TIAM1: variants seen among roughly 807,000 people sequenced by gnomAD.
The protein encoded by TIAM1 is rho guanine nucleotide exchange factor TIAM1.
In TIAM1, 65 loss-of-function variants were observed where a neutral mutation model predicts 163.5. The observed-to-expected ratio is 0.40, with a 90% CI of 0.33 to 0.49. The LOEUF (loss-of-function observed/expected upper bound fraction) is 0.49. Ranked by LOEUF, TIAM1 falls within the 20% of genes least tolerant of loss-of-function variation. The probability of loss-of-function intolerance (pLI) is 0.77; values close to 1 mark genes in which losing one functional copy is unlikely to be tolerated. For synonymous variants in TIAM1, 833 were observed against 810.1 expected (o/e 1.03, Z -0.48); for missense variants, 1,789 against 2,044.7 (o/e 0.87, Z 2.41).
At chr21:31,355,000 G>A (rs1281992778) in intron 2 of TIAM1, among the ~76,000 whole-genome samples, 2 of 152,056 alleles carry the variant, frequency 1.3e-5, no homozygotes, top group Non-Finnish European at 2.9e-5. Flanking sequence ...CCAAAGCCCT[G>A]TACCCTGGGA....
rs2086645331 is a variant in TIAM1, at chr21:31,210,075, AGT to A, written c.2356_2357del (p.Thr786CysfsTer44). 1 of 1,614,004 alleles carries A rather than the reference AGT, an allele frequency of 6.2e-7. No individual in the cohort carries two copies. The highest frequency in any genetic ancestry group is 1.7e-5 in the Admixed American group (1 of 59,996). On this transcript the variant is annotated frameshift_variant, in exon 11 of 28. Coordinates refer to ENST00000541036, the MANE Select transcript of TIAM1 (RefSeq NM_001353694.2). LOFTEE classifies it high-confidence loss of function. ...PALTVVRPGD[T>X]ARDTLELICK... ...AAATCAGCTCCAGGGTGTCCCGTGCAGTGTCGCCTGGCCGGACGACCGTCAGG... is the reference window on the plus strand; with the variant it reads ...AAATCAGCTCCAGGGTGTCCCGTGCAGTCGCCTGGCCGGACGACCGTCAGG...
Position 31,360,019 on chromosome 21 carries a change from T to A in TIAM1, c.-368-20597A>T, listed in dbSNP as rs556171898. 4.0e-5 allele frequency among the ~76,000 whole-genome samples: 6 copies of A among 151,836 alleles called. No individual in the cohort carries two copies. In the East Asian group the frequency reaches 9.7e-4, roughly 25 times the overall value. On this transcript the variant is annotated intron_variant, in intron 2 of 28. Coordinates refer to the TIAM1 transcript ENST00000286827. ...AAACCCTGAACAGAATAAATAAAAA[T>A]ATATTTACACCTAGACATGTCATAG... is the stretch of plus-strand genomic sequence containing the variant.
chr21:31,225,597 C>T, intron 7 of TIAM1, 129 bp downstream of exon 7: 1 of 720,420 alleles, frequency 1.4e-6, no homozygotes, highest in Non-Finnish European at 2.3e-6. Context: ...AAGAACTTAG[C>T]ATCCTGGATG....
intron 2 of TIAM1, among the ~76,000 whole-genome samples, chr21:31,292,150 T>C (rs2074046629): frequency 1.3e-5 from 2 of 152,204 alleles, no homozygotes; most frequent in African/African-American, 2.4e-5. Context: ...CAAAACAGGA[T>C]ACCTGCCTGC....
intron 1 of TIAM1, among the ~76,000 whole-genome samples, chr21:31,506,064 G>T (rs935260828): frequency 6.8e-6 from 1 of 147,890 alleles, no homozygotes; most frequent in Non-Finnish European, 1.5e-5. Context: ...CGACCAACTT[G>T]CTCAAGGTCC....
chr21:31,185,722 G>A (rs1240531214), intron 14 of TIAM1, among the ~76,000 whole-genome samples: 1 of 150,142 alleles, frequency 6.7e-6, no homozygotes, highest in African/African-American at 2.5e-5. Flanking sequence ...ACACACGAAA[G>A]TTACAATGAA....
chr21:31,123,742 A>G (rs1314480107), intron 27 of TIAM1, among the ~76,000 whole-genome samples: 3 of 152,162 alleles, frequency 2.0e-5, no homozygotes, highest in Non-Finnish European at 2.9e-5. Flanking sequence ...CCTCTTAAGA[A>G]AGGTTTGATA....
At chr21:31,284,147 C>T (rs16988076) in intron 2 of TIAM1, among the ~76,000 whole-genome samples, 3,632 of 152,286 alleles carry the variant, frequency 0.024, 148 homozygotes, top group African/African-American at 0.084. Flanking sequence ...ACTAGGTAAT[C>T]TAAGCTCGTG....
At chr21:31,394,226 A>G (rs944221038) in intron 2 of TIAM1, among the ~76,000 whole-genome samples, 1 of 152,206 alleles carries the variant, frequency 6.6e-6, no homozygotes, top group Non-Finnish European at 1.5e-5. Flanking sequence ...TTGAAGACAT[A>G]TTACTAAGTG....
intron 2 of TIAM1, among the ~76,000 whole-genome samples, chr21:31,376,625 G>A (rs2076692419): frequency 6.6e-6 from 1 of 152,082 alleles, no homozygotes; most frequent in South Asian, 2.1e-4. Flanking sequence ...AAGGACTTGT[G>A]GGTGATGGAG....
intron 13 of TIAM1, among the ~76,000 whole-genome samples, chr21:31,192,495 T>C (rs2085611172): frequency 6.6e-6 from 1 of 151,970 alleles, no homozygotes. Flanking sequence ...CACACGCCTG[T>C]AATCCCAGCT....
chr21:31,394,905 T>C lies in TIAM1; in HGVS notation c.-368-55483A>G, dbSNP rs1182037391. ...TTCTTCCTTCCATAGTATAAAGTGA[T>C]TCTAGTTGCTACCCATGAGCTACAG... On this transcript the variant is annotated intron_variant, in intron 2 of 28. Coordinates refer to the TIAM1 transcript ENST00000286827. Among the ~76,000 whole-genome samples, 6 of 152,234 alleles carry C rather than the reference T, an allele frequency of 3.9e-5. No homozygotes were observed. In the East Asian group the frequency reaches 7.7e-4, roughly 20 times the overall value.
chr21:31,303,076 C>T (rs2074563579), intron 2 of TIAM1, among the ~76,000 whole-genome samples: 1 of 152,112 alleles, frequency 6.6e-6, no homozygotes, highest in South Asian at 2.1e-4. Context: ...CAACTTTACA[C>T]AGACATAGTC....
At chr21:31,360,146 C>A (rs945329697) in intron 2 of TIAM1, among the ~76,000 whole-genome samples, 5 of 152,154 alleles carry the variant, frequency 3.3e-5, no homozygotes, top group Non-Finnish European at 7.4e-5. Flanking sequence ...AGAGAGCCGA[C>A]TTCTCAGCAA....
At chr21:31,539,482 G>C (rs939506201) in intron 1 of TIAM1, among the ~76,000 whole-genome samples, 3 of 151,700 alleles carry the variant, frequency 2.0e-5, no homozygotes, top group Non-Finnish European at 4.4e-5. Flanking sequence ...AGCCAGGATG[G>C]TCTTGATCTC....
intron 1 of TIAM1, among the ~76,000 whole-genome samples, chr21:31,477,845 C>A (rs1214251472): frequency 6.6e-6 from 1 of 152,150 alleles, no homozygotes; most frequent in East Asian, 1.9e-4. Context: ...ATGATGCTAT[C>A]CTTGGGAAGC....
At chr21:31,468,369 G>A (rs1315578474) in intron 1 of TIAM1, among the ~76,000 whole-genome samples, 1 of 152,072 alleles carries the variant, frequency 6.6e-6, no homozygotes. Context: ...TGTAATCCCA[G>A]CTACTTGGGA....
chr21:31,215,881 C>T (rs1259694758), intron 9 of TIAM1, among the ~76,000 whole-genome samples: 2 of 152,196 alleles, frequency 1.3e-5, no homozygotes, highest in Non-Finnish European at 2.9e-5. Context: ...AGAGTATCAG[C>T]CAGGCACGGT....
chr21:31,368,324 T>C (rs2076533590), intron 2 of TIAM1, among the ~76,000 whole-genome samples: 1 of 152,022 alleles, frequency 6.6e-6, no homozygotes, highest in African/African-American at 2.4e-5. Context: ...TAATTTATTT[T>C]ACGCTTTCTT....
Sources: gnomAD v4.1 joint callset for allele counts (sites outside exome capture counted in the v4.1 genomes callset) on GRCh38, gnomAD v4.1.1 for gene constraint, MANE v1.5 for transcripts, NCBI Gene and HGNC (gene_info 2026-07-23, HGNC 2026-07-21) for gene names.